PDCD6IP: variants seen among roughly 807,000 people sequenced by gnomAD.
PDCD6IP encodes the protein programmed cell death 6-interacting protein.
PDCD6IP carries 43 observed loss-of-function variants against 103.7 expected under a neutral mutation model. That is an observed-to-expected ratio of 0.41 (90% confidence interval 0.32 to 0.53). The LOEUF is 0.53. Ranked by LOEUF, PDCD6IP falls within the 20% of genes least tolerant of loss-of-function variation. The probability of loss-of-function intolerance (pLI) is 0.16; values close to 1 mark genes in which losing one functional copy is unlikely to be tolerated. For missense variants in PDCD6IP, 871 were observed against 1,036.7 expected (o/e 0.84, Z 2.20); for synonymous variants, 354 against 378.7 (o/e 0.93, Z 0.76).
intron 6 of PDCD6IP, 138 bp from the exon 7 acceptor site, chr3:33,828,715 A>G: frequency 1.3e-6 from 1 of 750,870 alleles, no homozygotes; most frequent in Non-Finnish European, 2.1e-6. Context: ...TTTACACCTA[A>G]TGACTAACCT....
At chr3:33,816,308 T>A (rs1416021853) in intron 3 of PDCD6IP, among the ~76,000 whole-genome samples, 1 of 151,728 alleles carries the variant, frequency 6.6e-6, no homozygotes, top group East Asian at 1.9e-4. Flanking sequence ...AGTTTGAGAT[T>A]ATCCTGACCA....
At chr3:33,835,444 C>T (rs933766385) in intron 7 of PDCD6IP, 1 of 392,552 alleles carries the variant, frequency 2.5e-6, no homozygotes, top group Non-Finnish European at 5.1e-6. Context: ...AGACAGGGCA[C>T]AGTGGCGCAA....
chr3:33,866,137 AT>A (rs1271709339), intron 17 of PDCD6IP, among the ~76,000 whole-genome samples: 1 of 152,128 alleles, frequency 6.6e-6, no homozygotes, highest in Non-Finnish European at 1.5e-5. Context: ...TTTGGATAGT[AT>A]TAAACACTTG....
Position 33,807,235 on chromosome 3 carries a change from C to T in PDCD6IP, c.210-4837C>T, listed in dbSNP as rs561543678. Among the ~76,000 whole-genome samples, 3 of 152,308 alleles carry T rather than the reference C, an allele frequency of 2.0e-5. No individual in the cohort carries two copies. The East Asian group carries it at 5.8e-4, about 29-fold the overall frequency. ...GAAGTAACCTCATTTCCTACTACTC[C>T]CTTCCTTGTTTACTTTATAGCAAGG... On this transcript the variant is annotated intron_variant, in intron 1 of 17. Transcript: ENST00000307296.
At chr3:33,855,389 T>TA (rs1458603614) in intron 15 of PDCD6IP, 129 bp downstream of exon 15, 8 of 566,152 alleles carry the variant, frequency 1.4e-5, no homozygotes, top group Non-Finnish European at 2.6e-5. Context: ...AGGAACTAGA[T>TA]AGAGTATTTT....
intron 1 of PDCD6IP, among the ~76,000 whole-genome samples, chr3:33,802,795 C>CT (rs1303128685): frequency 6.6e-6 from 1 of 152,108 alleles, no homozygotes; most frequent in East Asian, 1.9e-4. Flanking sequence ...CGGCCAATCT[C>CT]TGACGTTTTT....
chr3:33,823,296 A>G (rs1697036430), intron 4 of PDCD6IP, among the ~76,000 whole-genome samples: 1 of 152,148 alleles, frequency 6.6e-6, no homozygotes, highest in Non-Finnish European at 1.5e-5. Flanking sequence ...TCTCAGAGGT[A>G]GTCTGCTTTT....
chr3:33,814,449 T>G lies in PDCD6IP; in HGVS notation c.334+821T>G, dbSNP rs146448771. ...TGGCCTATTCCATTAGATTCTTATGTGGATTAAATGAGTGAATACATGTAA... is the reference window on the plus strand; with the variant it reads ...TGGCCTATTCCATTAGATTCTTATGGGGATTAAATGAGTGAATACATGTAA... On this transcript the variant is annotated intron_variant, in intron 3 of 17. Coordinates refer to ENST00000307296, the MANE Select transcript of PDCD6IP (RefSeq NM_013374.6). Among the ~76,000 whole-genome samples the G allele has an allele frequency of 3.7e-3, 559 of 151,464 alleles. 4 individuals carry two copies. The highest frequency in any genetic ancestry group is 0.013 in the African/African-American group (518 of 41,342).
chr3:33,820,140 C>T (rs535964437), intron 3 of PDCD6IP, among the ~76,000 whole-genome samples: 33 of 152,138 alleles, frequency 2.2e-4, no homozygotes, highest in Admixed American at 5.2e-4. Flanking sequence ...AAAAATTAGC[C>T]GGGTATGGTG....
intron 15 of PDCD6IP, among the ~76,000 whole-genome samples, chr3:33,859,533 A>G (rs1697904883): frequency 6.6e-6 from 1 of 152,178 alleles, no homozygotes; most frequent in Non-Finnish European, 1.5e-5. Context: ...GAAGACGCAA[A>G]CAGAATTTTG....
intron 9 of PDCD6IP, among the ~76,000 whole-genome samples, chr3:33,839,174 C>T (rs1268894881): frequency 1.3e-5 from 2 of 152,178 alleles, no homozygotes; most frequent in South Asian, 2.1e-4. Flanking sequence ...GAGAACATTA[C>T]TGTTACCCTA....
In PDCD6IP at chr3:33,805,354, C is replaced by CA. The variant is rs11341586; in HGVS notation, c.209+6433dup. On this transcript the variant is annotated intron_variant, in intron 1 of 17. Transcript: ENST00000307296. ...TGGGCGACAGAGTGAGATTCTGTCTCAAAAAAAAAAAAAAAATTTTTTTTT... is the reference window on the plus strand; with the variant it reads ...TGGGCGACAGAGTGAGATTCTGTCTCAAAAAAAAAAAAAAAAATTTTTTTTT... 8.7e-3 allele frequency among the ~76,000 whole-genome samples: 981 copies of CA among 112,306 alleles called. 8 individuals carry two copies. Among genetic ancestry groups the CA allele is most frequent in the African/African-American group, 0.023 (691 of 29,416 alleles). 73.7% of individuals were successfully genotyped at this position (112,306 alleles called of 152,430 possible). A position where few individuals can be genotyped will look rare whatever the true frequency, so the allele number is the denominator to read the frequency against.
chr3:33,828,635 C>G (rs1697181051), intron 6 of PDCD6IP: 1 of 332,234 alleles, frequency 3.0e-6, no homozygotes. Flanking sequence ...TAAAAAAAAC[C>G]CCTTCAATTG....
intron 7 of PDCD6IP, among the ~76,000 whole-genome samples, chr3:33,833,240 G>A (rs1474648790): frequency 6.6e-6 from 1 of 151,984 alleles, no homozygotes; most frequent in Non-Finnish European, 1.5e-5. Context: ...GTAGTTAATA[G>A]TCATAATCCA....
At position 33,845,450 on chromosome 3, in the gene PDCD6IP, A is replaced by G. The variant is rs769121797; in HGVS notation, c.1503A>G (p.Lys501=). Residue 501 remains lysine, a synonymous_variant, in exon 12 of 18, where the codon AAA becomes AAG. Coordinates refer to ENST00000307296, the MANE Select transcript of PDCD6IP (RefSeq NM_013374.6). ...EGTNFRTVLD[K]AVQADGQVKE... is the part of the protein sequence containing the mutation. ...CCAACTTCAGAACAGTTTTAGATAAAGCTGTGCAGGCAGATGGACAAGTGA... is the reference window on the plus strand; with the variant it reads ...CCAACTTCAGAACAGTTTTAGATAAGGCTGTGCAGGCAGATGGACAAGTGA... 1.2e-6 allele frequency: 2 copies of G among 1,614,002 alleles called. No individual in the cohort carries two copies. The highest frequency in any genetic ancestry group is 2.2e-5 in the South Asian group (2 of 91,058).
At chr3:33,840,463 T>C (rs1697444277) in intron 9 of PDCD6IP, among the ~76,000 whole-genome samples, 1 of 152,226 alleles carries the variant, frequency 6.6e-6, no homozygotes, top group Admixed American at 6.5e-5. Flanking sequence ...TCTCTTGTAG[T>C]TGGCTTGCCT....
Position 33,838,112 on chromosome 3 carries a change from A to G in PDCD6IP, c.1058-92A>G, listed in dbSNP as rs1208945823. On this transcript the variant is annotated intron_variant, in intron 8 of 17. Transcript: ENST00000307296. Reference sequence around the variant, plus strand: ...AATAGACAATAAATATTTATAGACTATGTGAATATTGGAAAGAAAATATAA... The same window carrying G: ...AATAGACAATAAATATTTATAGACTGTGTGAATATTGGAAAGAAAATATAA... 1.4e-5 allele frequency: 8 copies of G among 578,198 alleles called. No individual in the cohort carries two copies. The African/African-American group carries it at 1.4e-4, about 10-fold the overall frequency. The allele number at this position is 578,198 out of a possible 1,614,324, so 35.8% of individuals were successfully genotyped here.
chr3:33,839,062 C>T (rs1697413276), intron 9 of PDCD6IP, among the ~76,000 whole-genome samples: 1 of 152,144 alleles, frequency 6.6e-6, no homozygotes, highest in Non-Finnish European at 1.5e-5. Context: ...CTGCCTTGAC[C>T]TCCCAAAGTG....
At position 33,868,089 on chromosome 3, in the gene PDCD6IP, T is replaced by C. The variant is rs1188141751; in HGVS notation, c.*1564T>C. On this transcript the variant is annotated 3_prime_UTR_variant, in exon 18 of 18. Coordinates refer to ENST00000307296, the MANE Select transcript of PDCD6IP (RefSeq NM_013374.6). ...TTAAAGTTGGTTTAAAGTCCAATAG[T>C]TAAACCTTAGCAAAAATAGCTTTTT... 1 of 152,202 alleles carries C rather than the reference T, an allele frequency of 6.6e-6. No individual in the cohort carries two copies. The highest frequency in any genetic ancestry group is 1.5e-5 in the Non-Finnish European group (1 of 68,042). 9.4% of individuals were successfully genotyped at this position (152,202 alleles called of 1,614,324 possible). A position where few individuals can be genotyped will look rare whatever the true frequency, so the allele number is the denominator to read the frequency against.
Sources: allele counts gnomAD v4.1 joint callset (sites outside exome capture counted in the v4.1 genomes callset), GRCh38; gene constraint gnomAD v4.1.1; transcripts MANE v1.5; gene names NCBI Gene and HGNC (gene_info 2026-07-23, HGNC 2026-07-21).